Variants in U2SURP observed in about 807,000 individuals in gnomAD.
The protein encoded by U2SURP is U2 snRNP-associated SURP motif-containing protein.
In U2SURP, 9 loss-of-function variants were observed where a neutral mutation model predicts 144.9. The ratio of observed to expected loss-of-function variants is 0.06; its 90% CI spans 0.04 to 0.11. The LOEUF (loss-of-function observed/expected upper bound fraction) is 0.11, where lower values mean the gene tolerates loss of function less well. Ranked by LOEUF, U2SURP falls within the 10% of genes least tolerant of loss-of-function variation. U2SURP has a pLI of 1.00. For missense variants in U2SURP, 724 were observed against 1,226.7 expected, an observed-to-expected ratio of 0.59 and a Z score of 6.12; for synonymous variants, 408 against 396.8, an observed-to-expected ratio of 1.03 and a Z score of -0.33.
intron 1 of U2SURP, among the ~76,000 whole-genome samples, chr3:143,002,787 A>G (rs1935605439): frequency 6.6e-6 from 1 of 152,254 alleles, no homozygotes; most frequent in Admixed American, 6.5e-5. Context: ...GTACACCAAA[A>G]TAATTAATTC....
At chr3:143,004,435 C>T (rs1935717883) in intron 1 of U2SURP, among the ~76,000 whole-genome samples, 1 of 138,494 alleles carries the variant, frequency 7.2e-6, no homozygotes, top group Non-Finnish European at 1.5e-5. Flanking sequence ...GCAATCTCAG[C>T]TCACTGCAAC....
At chr3:143,031,502 C>T (rs1299175428) in intron 16 of U2SURP, among the ~76,000 whole-genome samples, 4 of 97,358 alleles carry the variant, frequency 4.1e-5, no homozygotes, top group African/African-American at 1.8e-4. Flanking sequence ...TGAGGCAAAA[C>T]CTTCCACCAG....
intron 26 of U2SURP, 75 bp downstream of exon 26, chr3:143,053,869 T>C (rs971200550): frequency 8.3e-6 from 10 of 1,200,286 alleles, no homozygotes; most frequent in Middle Eastern, 2.3e-4. Context: ...ACTTTCATCA[T>C]TGATGCCCGC....
chr3:143,038,849 C>G (rs751692043), intron 22 of U2SURP, 45 bp from the exon 23 acceptor site: 3 of 1,416,982 alleles, frequency 2.1e-6, no homozygotes, highest in African/African-American at 3.0e-5. Flanking sequence ...TGAAAAAATG[C>G]TAGTTTACCT....
chr3:143,016,434 C>T, intron 5 of U2SURP, 63 bp downstream of exon 5: 1 of 1,439,398 alleles, frequency 6.9e-7, no homozygotes, highest in Non-Finnish European at 9.5e-7. Context: ...GAGCGAGCCC[C>T]ATCTTGGTTG....
intron 23 of U2SURP, among the ~76,000 whole-genome samples, 200 bp from the exon 24 acceptor site, chr3:143,042,917 G>T (rs974221888): frequency 6.6e-6 from 1 of 152,152 alleles, no homozygotes; most frequent in African/African-American, 2.4e-5. Context: ...ATTTTCTGTG[G>T]AGGAAAGAAG....
intron 18 of U2SURP, among the ~76,000 whole-genome samples, chr3:143,034,138 T>G (rs745845270): frequency 6.6e-6 from 1 of 152,364 alleles, no homozygotes; most frequent in Admixed American, 6.5e-5. Context: ...GCACAGTGGC[T>G]CACGCCTGTA....
In U2SURP at chr3:143,054,395, A is replaced by G. The variant is rs944914041; in HGVS notation, c.2775-548A>G. On this transcript the variant is annotated intron_variant, in intron 26 of 27. Coordinates refer to ENST00000473835, the MANE Select transcript of U2SURP (RefSeq NM_001080415.2). ...AGTCTAGCTTAGTCACGCTACAGAT[A>G]GTTACAAATAACAAGTTATGCCAAT... Among the ~76,000 whole-genome samples the G allele has an allele frequency of 2.0e-5, 3 of 152,372 alleles. No individual in the cohort carries two copies. In the Middle Eastern group the frequency reaches 0.01, roughly 518 times the overall value.
intron 26 of U2SURP, 135 bp from the exon 27 acceptor site, chr3:143,054,808 G>A (rs1379199185): frequency 1.7e-5 from 15 of 875,528 alleles, no homozygotes; most frequent in Non-Finnish European, 1.6e-5. Flanking sequence ...AGGACTTTGA[G>A]TATTGTTAAA....
At chr3:143,042,331 C>CATTATCTTTACCAAT (rs1397893449) in intron 23 of U2SURP, among the ~76,000 whole-genome samples, 1 of 152,066 alleles carries the variant, frequency 6.6e-6, no homozygotes, top group Non-Finnish European at 1.5e-5. Context: ...AGGTCTTTAC[C>CATTATCTTTACCAAT]AGCTGTATTG....
intron 10 of U2SURP, among the ~76,000 whole-genome samples, chr3:143,022,187 C>G: frequency 6.6e-6 from 1 of 152,082 alleles, no homozygotes; most frequent in East Asian, 1.9e-4. Context: ...CAAACCATCA[C>G]TATAAAACAT....
chr3:143,036,082 T>C lies in U2SURP; in HGVS notation c.2042T>C (p.Ile681Thr). ...AATATTTTCTTAGGACTTGTAAATA[T>C]TATTGAAGAAAAGGAAACAGAGGTA... is the stretch of plus-strand genomic sequence containing the variant. ...LQNIFLGLVN[I>T]IEEKETEDVP... Residue 681 changes from isoleucine to threonine, a missense_variant, in exon 20 of 28, where the codon ATT (isoleucine) becomes ACT (threonine). Transcript: ENST00000473835. 1 of 1,606,372 alleles carries C rather than the reference T, an allele frequency of 6.2e-7. No individual in the cohort carries two copies. The highest frequency in any genetic ancestry group is 8.5e-7 in the Non-Finnish European group (1 of 1,177,674).
chr3:143,029,029 C>T (rs941467833), intron 16 of U2SURP, among the ~76,000 whole-genome samples: 5 of 152,212 alleles, frequency 3.3e-5, no homozygotes, highest in Admixed American at 6.5e-5. Flanking sequence ...TATGCAAAGC[C>T]GCTACATGAT....
intron 14 of U2SURP, 101 bp from the exon 15 acceptor site, chr3:143,028,239 A>T: frequency 1.5e-6 from 2 of 1,338,268 alleles, no homozygotes; most frequent in Non-Finnish European, 2.1e-6. Context: ...TGTTTTATTT[A>T]GAACTAAATA....
intron 23 of U2SURP, among the ~76,000 whole-genome samples, chr3:143,039,685 G>A (rs894365189): frequency 6.8e-6 from 1 of 147,252 alleles, no homozygotes; most frequent in Non-Finnish European, 1.5e-5. Context: ...AAAATTTTGC[G>A]TTCTTCTATT....
At chr3:143,037,525 T>C (rs1253425001) in intron 21 of U2SURP, among the ~76,000 whole-genome samples, 190 bp downstream of exon 21, 3 of 152,144 alleles carry the variant, frequency 2.0e-5, no homozygotes, top group Non-Finnish European at 4.4e-5. Flanking sequence ...GCTATGTATA[T>C]AAAAGGCCAA....
Position 143,022,499 on chromosome 3 carries a change from G to T in U2SURP, c.855G>T (p.Met285Ile). 6.5e-7 allele frequency: 1 copy of T among 1,540,968 alleles called. No individual in the cohort carries two copies. Among genetic ancestry groups the T allele is most frequent in the Non-Finnish European group, 8.7e-7 (1 of 1,144,270 alleles). ...AAATCTTTTACCCTTTTTAATAGAT[G>T]AATGAAGAAATGCTGTGCCAAGAAT... ...NLYLGNINPQMNEEMLCQEFG... is the reference protein window; with the variant it reads ...NLYLGNINPQINEEMLCQEFG... Residue 285 changes from methionine to isoleucine, a missense_variant and splice_region_variant, in exon 11 of 28, where the codon ATG (methionine) becomes ATT (isoleucine). Physicochemically the swap from Met to Ile is conservative, Grantham distance 10 (BLOSUM62 1). Transcript: ENST00000473835.
intron 24 of U2SURP, among the ~76,000 whole-genome samples, chr3:143,044,801 G>A (rs968365728): frequency 1.3e-5 from 2 of 152,142 alleles, no homozygotes; most frequent in African/African-American, 4.8e-5. Flanking sequence ...CTGTTGGGCT[G>A]ATAAAAGTTC....
chr3:143,041,639 A>G (rs992284407), intron 23 of U2SURP, among the ~76,000 whole-genome samples: 2 of 152,006 alleles, frequency 1.3e-5, no homozygotes, highest in Non-Finnish European at 2.9e-5. Context: ...TTTCTCTCAT[A>G]CAATGAAGGT....
Sources: gnomAD v4.1 joint callset for allele counts (sites outside exome capture counted in the v4.1 genomes callset) on GRCh38, gnomAD v4.1.1 for gene constraint, MANE v1.5 for transcripts, NCBI Gene and HGNC (gene_info 2026-07-23, HGNC 2026-07-21) for gene names.